FAM81B: variants seen among roughly 807,000 people sequenced by gnomAD.
FAM81B encodes the protein family with sequence similarity 81 member B.
A neutral mutation model predicts 58.7 loss-of-function variants in FAM81B; 60 were observed. That is an observed-to-expected ratio of 1.02 (90% CI 0.83 to 1.27). The LOEUF is 1.27. Among genes scored for constraint, FAM81B ranks in the 50% most tolerant of loss-of-function variants. The probability of loss-of-function intolerance (pLI) is 0.00; values close to 1 mark genes in which losing one functional copy is unlikely to be tolerated. For synonymous variants in FAM81B, 189 were observed against 179.6 expected, an observed-to-expected ratio of 1.05 and a Z score of -0.42; for missense variants, 491 against 522.0, an observed-to-expected ratio of 0.94 and a Z score of 0.58.
intron 6 of FAM81B, 28 bp from the exon 7 acceptor site, chr5:95,436,772 T>G: frequency 6.8e-7 from 1 of 1,478,826 alleles, no homozygotes; most frequent in Non-Finnish European, 9.5e-7. Flanking sequence ...TTTGTTCATA[T>G]GCACAAACCC....
intron 8 of FAM81B, among the ~76,000 whole-genome samples, chr5:95,447,295 AAAGT>A (rs1022461507): frequency 1.5e-4 from 23 of 152,280 alleles, no homozygotes; most frequent in Non-Finnish European, 2.6e-4. Flanking sequence ...GCAGGTGACT[AAAGT>A]AAGATGTTTT....
chr5:95,392,238 C>T (rs1011187674), intron 1 of FAM81B, among the ~76,000 whole-genome samples: 2 of 152,156 alleles, frequency 1.3e-5, no homozygotes, highest in Non-Finnish European at 2.9e-5. Context: ...TCATTCTCAG[C>T]AAACTAACAC....
intron 5 of FAM81B, among the ~76,000 whole-genome samples, chr5:95,425,040 C>G (rs1317318433): frequency 6.6e-6 from 1 of 151,282 alleles, no homozygotes; most frequent in East Asian, 1.9e-4. Flanking sequence ...ATGAGTAAAC[C>G]ACACCAAATG....
chr5:95,411,574 C>T (rs866867773), intron 3 of FAM81B, among the ~76,000 whole-genome samples: 1 of 152,144 alleles, frequency 6.6e-6, no homozygotes, highest in Non-Finnish European at 1.5e-5. Flanking sequence ...AAATGCATAA[C>T]ACTATGGTAA....
chr5:95,417,521 C>A (rs1437656781), intron 4 of FAM81B, among the ~76,000 whole-genome samples: 1 of 152,114 alleles, frequency 6.6e-6, no homozygotes, highest in East Asian at 1.9e-4. Context: ...GTGACAGCTT[C>A]ATTTCTTCTT....
chr5:95,412,400 A>G (rs1261348415), intron 3 of FAM81B, among the ~76,000 whole-genome samples: 1 of 152,164 alleles, frequency 6.6e-6, no homozygotes, highest in African/African-American at 2.4e-5. Context: ...TTATCTTACT[A>G]TGTGCATAAT....
intron 3 of FAM81B, among the ~76,000 whole-genome samples, chr5:95,397,633 G>A (rs1761998391): frequency 1.3e-5 from 2 of 152,142 alleles, no homozygotes; most frequent in Admixed American, 6.6e-5. Flanking sequence ...GATTTCTTTG[G>A]CTTTCAGATA....
intron 3 of FAM81B, among the ~76,000 whole-genome samples, chr5:95,397,877 C>T (rs1356462670): frequency 6.6e-6 from 1 of 152,166 alleles, no homozygotes; most frequent in Admixed American, 6.5e-5. Flanking sequence ...GGAAGGCACT[C>T]TATGGCCTTA....
intron 7 of FAM81B, 78 bp downstream of exon 7, chr5:95,436,984 A>G: frequency 9.0e-7 from 1 of 1,115,708 alleles, no homozygotes; most frequent in South Asian, 1.3e-5. Flanking sequence ...GGCATGAAAT[A>G]AAAACCTATC....
chr5:95,442,092 C>G (rs1437205421), intron 7 of FAM81B, among the ~76,000 whole-genome samples: 1 of 152,192 alleles, frequency 6.6e-6, no homozygotes, highest in Non-Finnish European at 1.5e-5. Context: ...AATAATTACC[C>G]AGTACAGAGA....
chr5:95,407,402 ACACACACG>A (rs1762279686), intron 3 of FAM81B, among the ~76,000 whole-genome samples: 2 of 150,470 alleles, frequency 1.3e-5, no homozygotes, highest in African/African-American at 4.9e-5. Context: ...ACACACACAC[ACACACACG>A]CACACACACA....
chr5:95,428,952 T>C (rs747717109), intron 6 of FAM81B, among the ~76,000 whole-genome samples: 1 of 152,200 alleles, frequency 6.6e-6, no homozygotes, highest in Non-Finnish European at 1.5e-5. Context: ...CCATCTACTC[T>C]AAGCATGCAC....
At chr5:95,420,719 A>G (rs199919411) in intron 5 of FAM81B, among the ~76,000 whole-genome samples, 1 of 84,986 alleles carries the variant, frequency 1.2e-5, no homozygotes, top group Admixed American at 1.1e-4. Context: ...AAATCCCCAT[A>G]TGTGTCAAAT....
intron 1 of FAM81B, among the ~76,000 whole-genome samples, chr5:95,392,407 T>G (rs1209546759): frequency 3.3e-5 from 5 of 152,140 alleles, no homozygotes; most frequent in Admixed American, 3.3e-4. Flanking sequence ...ATGTAGATGA[T>G]GGGCTGATGG....
intron 4 of FAM81B, among the ~76,000 whole-genome samples, chr5:95,414,496 A>G (rs1229953771): frequency 6.6e-6 from 1 of 152,248 alleles, no homozygotes; most frequent in East Asian, 1.9e-4. Flanking sequence ...CCAAGATTCT[A>G]TTAATGCAAT....
At chr5:95,405,165 T>C (rs1473961506) in intron 3 of FAM81B, among the ~76,000 whole-genome samples, 1 of 152,232 alleles carries the variant, frequency 6.6e-6, no homozygotes, top group Non-Finnish European at 1.5e-5. Context: ...AGAATACTGC[T>C]GGGTGTTATT....
At chr5:95,448,508 C>T (rs765988559) in intron 9 of FAM81B, 44 bp downstream of exon 9, 58 of 1,526,888 alleles carry the variant, frequency 3.8e-5, no homozygotes, top group Non-Finnish European at 4.6e-5. Flanking sequence ...CTGTCCTTTC[C>T]TGTTCAATCC....
In FAM81B at chr5:95,407,129, T is replaced by C. The variant is rs559837026; in HGVS notation, c.294-6818T>C. Among the ~76,000 whole-genome samples, 17 of 152,072 alleles carry C rather than the reference T, an allele frequency of 1.1e-4. 1 individual carries two copies. Among genetic ancestry groups the C allele is most frequent in the Admixed American group, 1.0e-3 (16 of 15,288 alleles). ...GTCCCACAGAATCCCCCATCATTTCTCAGGTCCTAGGCCCCCACCCCACCA... is the reference window on the plus strand; with the variant it reads ...GTCCCACAGAATCCCCCATCATTTCCCAGGTCCTAGGCCCCCACCCCACCA... On this transcript the variant is annotated intron_variant, in intron 3 of 9. Coordinates refer to ENST00000283357, the MANE Select transcript of FAM81B (RefSeq NM_152548.3).
rs77803229 is a variant in FAM81B at position 95,448,858 on chromosome 5, C to T, written c.1225+394C>T. On this transcript the variant is annotated intron_variant, in intron 9 of 9. Coordinates refer to ENST00000283357, the MANE Select transcript of FAM81B (RefSeq NM_152548.3). ...TTCTCATTGAACTACAAGTAATGAG[C>T]TTGGACAGATGTCAGACTGGAGACC... 4.2e-3 allele frequency: 1,651 copies of T among 393,142 alleles called. 26 individuals carry two copies. Among genetic ancestry groups the T allele is most frequent in the African/African-American group, 0.032 (1,514 of 47,060 alleles). The allele number at this position is 393,142 out of a possible 1,614,324, so 24.4% of individuals were successfully genotyped here. A position where few individuals can be genotyped will look rare whatever the true frequency, so the allele number is the denominator to read the frequency against.
Sources: allele counts gnomAD v4.1 joint callset (sites outside exome capture counted in the v4.1 genomes callset), GRCh38; gene constraint gnomAD v4.1.1; transcripts MANE v1.5; gene names NCBI Gene and HGNC (gene_info 2026-07-23, HGNC 2026-07-21).